MRAP2: variants seen among roughly 807,000 people sequenced by gnomAD.
The protein encoded by MRAP2 is melanocortin-2 receptor accessory protein 2.
A neutral mutation model predicts 17.4 loss-of-function variants in MRAP2; 20 were observed. The ratio of observed to expected loss-of-function variants is 1.15; its 90% CI spans 0.81 to 1.67. MRAP2 has a LOEUF of 1.67. Ranked by LOEUF, MRAP2 falls within the 40% of genes most tolerant of loss-of-function variation. The pLI is 0.00. For synonymous variants in MRAP2, 96 were observed against 88.4 expected (o/e 1.09, Z -0.48); for missense variants, 238 against 240.0 (o/e 0.99, Z 0.05).
rs78754624 is a variant in MRAP2, at chr6:84,078,732, A to G, written c.228-10359A>G. Among the ~76,000 whole-genome samples, 1,344 of 152,334 alleles carry G rather than the reference A, an allele frequency of 8.8e-3. 26 individuals are homozygous for G. The highest frequency in any genetic ancestry group is 0.03 in the African/African-American group (1,236 of 41,578). ...CTCAAGAGTAGGCTGCTATAATGCC[A>G]GGACACTCCTCAGATTTTCCTTCCT... On this transcript the variant is annotated intron_variant, in intron 3 of 3. Transcript: ENST00000257776.
chr6:84,063,654 A>G (rs1222588153), intron 3 of MRAP2, among the ~76,000 whole-genome samples: 1 of 152,260 alleles, frequency 6.6e-6, no homozygotes, highest in African/African-American at 2.4e-5. Context: ...ATTCAGAAAT[A>G]TATTAAAGGA....
intron 3 of MRAP2, among the ~76,000 whole-genome samples, chr6:84,064,994 T>C (rs1472408251): frequency 6.6e-6 from 1 of 152,102 alleles, no homozygotes; most frequent in African/African-American, 2.4e-5. Flanking sequence ...AAGAAAAAAA[T>C]GTAAACACAG....
At chr6:84,140,237 A>G in the MRAP2 span, among the ~76,000 whole-genome samples, 5 of 152,126 alleles carry the variant, frequency 3.3e-5, no homozygotes, top group Non-Finnish European at 7.3e-5. Flanking sequence ...GCAGTCCATT[A>G]GGAGCCTTTG....
In MRAP2 at chr6:84,069,416, A is replaced by T. The variant is rs546924321; in HGVS notation, c.227+6424A>T. ...ACATTTGTTGACTTGCATATGTTAA[A>T]CCATCCCTGCATCCCTGGTATGAAA... On this transcript the variant is annotated intron_variant, in intron 3 of 3. Transcript: ENST00000257776. 1.8e-4 allele frequency among the ~76,000 whole-genome samples: 27 copies of T among 152,116 alleles called. No homozygotes were observed. The South Asian group carries it at 5.4e-3, about 30-fold the overall frequency.
chr6:84,117,762 A>G, the MRAP2 span, among the ~76,000 whole-genome samples: 1 of 152,006 alleles, frequency 6.6e-6, no homozygotes, highest in Admixed American at 6.6e-5. Flanking sequence ...GGTCTGCTCC[A>G]GATCCTAGTC....
intron 2 of MRAP2, 55 bp from the exon 3 acceptor site, chr6:84,062,838 T>C: frequency 4.3e-6 from 7 of 1,610,676 alleles, no homozygotes; most frequent in Non-Finnish European, 5.9e-6. Context: ...GATTCTTGAA[T>C]GTTCAAGTTT....
chr6:84,117,642 G>GGCGTGTGTGT, the MRAP2 span, among the ~76,000 whole-genome samples: 1 of 140,892 alleles, frequency 7.1e-6, no homozygotes, highest in African/African-American at 2.9e-5. Flanking sequence ...TTGGATGTGG[G>GGCGTGTGTGT]GTGTGTGTCT....
chr6:84,080,407 T>C (rs1163354254), intron 3 of MRAP2, among the ~76,000 whole-genome samples: 1 of 152,196 alleles, frequency 6.6e-6, no homozygotes, highest in Non-Finnish European at 1.5e-5. Context: ...TTGCTGAAGC[T>C]CTTTCTCAAA....
intron 3 of MRAP2, among the ~76,000 whole-genome samples, chr6:84,071,512 A>T (rs1489974592): frequency 1.3e-5 from 2 of 152,116 alleles, no homozygotes; most frequent in Non-Finnish European, 2.9e-5. Context: ...AGCTCTTAAG[A>T]TTCTTTCCTT....
At chr6:84,134,539 G>C in the MRAP2 span, among the ~76,000 whole-genome samples, 3 of 152,164 alleles carry the variant, frequency 2.0e-5, no homozygotes, top group Non-Finnish European at 4.4e-5. Flanking sequence ...CATAGTAACT[G>C]GGCTGGAGTG....
intron 2 of MRAP2, among the ~76,000 whole-genome samples, chr6:84,056,372 C>G (rs887471281): frequency 6.6e-6 from 1 of 152,164 alleles, no homozygotes; most frequent in Non-Finnish European, 1.5e-5. Context: ...TCTCTTGCAC[C>G]AACTTGGTGC....
chr6:84,111,531 C>A, the MRAP2 span, among the ~76,000 whole-genome samples: 1 of 152,162 alleles, frequency 6.6e-6, no homozygotes, highest in Non-Finnish European at 1.5e-5. Flanking sequence ...TCTAAATATA[C>A]AATCATGTCA....
intron 1 of MRAP2, among the ~76,000 whole-genome samples, chr6:84,037,555 A>G (rs1003609119): frequency 6.7e-6 from 1 of 149,660 alleles, no homozygotes; most frequent in African/African-American, 2.6e-5. Flanking sequence ...AGGCTCGGGC[A>G]GTGCGGGAGC....
upstream of MRAP2, chr6:84,033,715 C>G (rs2099485133): frequency 2.0e-6 from 2 of 985,274 alleles, no homozygotes; most frequent in Non-Finnish European, 2.4e-6. Context: ...GCGCCCCGCG[C>G]CGCCTCCGCT....
At chr6:84,122,495 T>C in the MRAP2 span, among the ~76,000 whole-genome samples, 1 of 151,562 alleles carries the variant, frequency 6.6e-6, no homozygotes, top group African/African-American at 2.4e-5. Context: ...ATCATCTCAA[T>C]AGATGCAGAG....
downstream of MRAP2, among the ~76,000 whole-genome samples, chr6:84,093,580 G>A (rs548392340): frequency 4.7e-4 from 70 of 149,714 alleles, no homozygotes; most frequent in African/African-American, 1.8e-3. Flanking sequence ...ACTGCACAAG[G>A]AAAAGGGCAG....
downstream of MRAP2, among the ~76,000 whole-genome samples, chr6:84,093,979 C>T (rs1225750813): frequency 6.6e-6 from 1 of 152,182 alleles, no homozygotes; most frequent in Non-Finnish European, 1.5e-5. Context: ...CACTCCAAAA[C>T]AGAAAACGAA....
the MRAP2 span, among the ~76,000 whole-genome samples, chr6:84,115,861 G>A: frequency 6.6e-6 from 1 of 152,086 alleles, no homozygotes; most frequent in Non-Finnish European, 1.5e-5. Flanking sequence ...TGCTTCTTGG[G>A]TGAGGTGAGG....
At chr6:84,144,217 T>C in the MRAP2 span, among the ~76,000 whole-genome samples, 19 of 152,050 alleles carry the variant, frequency 1.2e-4, no homozygotes, top group Admixed American at 1.2e-3. Flanking sequence ...TTTGACGTGA[T>C]AAATTGTACA....
Sources: gnomAD v4.1 joint callset for allele counts (sites outside exome capture counted in the v4.1 genomes callset) on GRCh38, gnomAD v4.1.1 for gene constraint, MANE v1.5 for transcripts, NCBI Gene and HGNC (gene_info 2026-07-23, HGNC 2026-07-21) for gene names.